Variants in ATG12 observed in about 807,000 individuals in gnomAD.
The protein encoded by ATG12 is ubiquitin-like protein ATG12.
In ATG12, 19 loss-of-function variants were observed where a neutral mutation model predicts 17.6. The observed-to-expected ratio is 1.08, with a 90% CI of 0.75 to 1.58. The LOEUF is 1.58. Ranked by LOEUF, ATG12 falls within the 40% of genes most tolerant of loss-of-function variation. The probability of loss-of-function intolerance (pLI) is 0.00; values close to 1 mark genes in which losing one functional copy is unlikely to be tolerated. For missense variants in ATG12, 214 were observed against 162.0 expected (o/e 1.32, Z -1.74); for synonymous variants, 75 against 62.4 (o/e 1.20, Z -0.95).
chr5:115,834,042 A>G (rs770632583), intron 2 of ATG12: 1 of 152,210 alleles, frequency 6.6e-6, no homozygotes, highest in Non-Finnish European at 1.5e-5. Flanking sequence ...CATCTAATGA[A>G]GTATGTAGCG....
chr5:115,836,020 T>A (rs753546293), intron 2 of ATG12, among the ~76,000 whole-genome samples: 56 of 152,298 alleles, frequency 3.7e-4, no homozygotes, highest in Non-Finnish European at 7.1e-4. Flanking sequence ...TTCCTAGCAT[T>A]ACTTTTTTTC....
rs767663040 is a variant in ATG12, at chr5:115,841,431, G to T, written c.122C>A (p.Ser41Tyr). 1 of 1,610,060 alleles carries T rather than the reference G, an allele frequency of 6.2e-7. No individual in the cohort carries two copies. The highest frequency in any genetic ancestry group is 8.5e-7 in the Non-Finnish European group (1 of 1,179,050). ...GCCAGCAGGTTCCTCTGTTCCCGGGGAAACTGCAGCGGAAGACGGGGGCTC... is the reference window on the plus strand; with the variant it reads ...GCCAGCAGGTTCCTCTGTTCCCGGGTAAACTGCAGCGGAAGACGGGGGCTC... ...TPEPPSSAAV[S>Y]PGTEEPAGDT... Residue 41 changes from serine (S) to tyrosine (Y), a missense_variant, in exon 1 of 4, where the codon TCC becomes TAC. Physicochemically the swap from Ser to Tyr is moderately radical, Grantham distance 144. Coordinates refer to ENST00000509910, the MANE Select transcript of ATG12 (RefSeq NM_004707.4).
chr5:115,839,838 C>G (rs1470516893), intron 1 of ATG12, among the ~76,000 whole-genome samples: 2 of 152,162 alleles, frequency 1.3e-5, no homozygotes, highest in Admixed American at 6.5e-5. Context: ...TAGTTAGAAA[C>G]TAAGTTTTAT....
At position 115,829,635 on chromosome 5, in the gene ATG12, T is replaced by C. The variant is rs971785692; in HGVS notation, c.*2169A>G. 9 of 152,174 alleles carry C rather than the reference T, an allele frequency of 5.9e-5. No individual in the cohort carries two copies. The highest frequency in any genetic ancestry group is 2.2e-4 in the African/African-American group (9 of 41,440). 9.4% of individuals were successfully genotyped at this position (152,174 alleles called of 1,614,324 possible). A position where few individuals can be genotyped will look rare whatever the true frequency, so the allele number is the denominator to read the frequency against. On this transcript the variant is annotated 3_prime_UTR_variant, in exon 4 of 4. Coordinates refer to ENST00000509910, the MANE Select transcript of ATG12 (RefSeq NM_004707.4). ...GAAAATTTAAAATATCACCTGAATGTTCAGTTTTTCCCCCAAGTTTAATCA... is the reference window on the plus strand; with the variant it reads ...GAAAATTTAAAATATCACCTGAATGCTCAGTTTTTCCCCCAAGTTTAATCA...
intron 3 of ATG12, 56 bp from the exon 4 acceptor site, chr5:115,831,919 A>G: frequency 6.7e-7 from 1 of 1,488,138 alleles, no homozygotes; most frequent in Admixed American, 1.8e-5. Flanking sequence ...CTTAGATGAA[A>G]CTAAGAAGAT....
intron 2 of ATG12, 72 bp downstream of exon 2, chr5:115,837,553 AAAC>A: frequency 1.3e-6 from 2 of 1,492,258 alleles, no homozygotes; most frequent in East Asian, 2.3e-5. Context: ...GCATTTCTAT[AAAC>A]AACAGTTAAT....
At position 115,829,737 on chromosome 5, in the gene ATG12, T is replaced by C. The variant is rs1201748923; in HGVS notation, c.*2067A>G. The C allele has an allele frequency of 6.6e-6, 1 of 152,202 alleles. No individual in the cohort carries two copies. Among genetic ancestry groups the C allele is most frequent in the East Asian group, 1.9e-4 (1 of 5,200 alleles). The allele number at this position is 152,202 out of a possible 1,614,324, so 9.4% of individuals were successfully genotyped here. On this transcript the variant is annotated 3_prime_UTR_variant, in exon 4 of 4. Transcript: ENST00000509910. ...AATAACTTATCGGATCCAGGCTTAA[T>C]TATTGTTTAATGTTGCAAATTTAGC...
In ATG12 at chr5:115,828,293, G is replaced by A. The variant is rs1447083616; in HGVS notation, c.*3511C>T. The A allele has an allele frequency of 6.6e-6, 1 of 152,052 alleles. No homozygotes were observed. The highest frequency in any genetic ancestry group is 2.4e-5 in the African/African-American group (1 of 41,416). The allele number at this position is 152,052 out of a possible 1,614,324, so 9.4% of individuals were successfully genotyped here. A position where few individuals can be genotyped will look rare whatever the true frequency, so the allele number is the denominator to read the frequency against. On this transcript the variant is annotated 3_prime_UTR_variant, in exon 4 of 4. Coordinates refer to ENST00000509910, the MANE Select transcript of ATG12 (RefSeq NM_004707.4). Reference sequence around the variant, plus strand: ...TGACAGGTTATACGAACAAACTGAAGTTTATACTTACGTTTCAAGGTTTTT... The same window carrying A: ...TGACAGGTTATACGAACAAACTGAAATTTATACTTACGTTTCAAGGTTTTT...
At position 115,831,482 on chromosome 5, in the gene ATG12, T is replaced by G. The variant is rs1760867325; in HGVS notation, c.*322A>C. On this transcript the variant is annotated 3_prime_UTR_variant, in exon 4 of 4. Transcript: ENST00000509910. ...ACCATGAAAACAATTTCAGTCATTT[T>G]GAGAACTGACAATGAAGATGTTTAT... The G allele has an allele frequency of 2.9e-6, 1 of 349,474 alleles. No homozygotes were observed. The highest frequency in any genetic ancestry group is 2.2e-5 in the African/African-American group (1 of 46,214). 21.6% of individuals were successfully genotyped at this position (349,474 alleles called of 1,614,324 possible). A position where few individuals can be genotyped will look rare whatever the true frequency, so the allele number is the denominator to read the frequency against.
At position 115,841,450 on chromosome 5, in the gene ATG12, G is replaced by A; in HGVS notation, c.103C>T (p.Pro35Ser). The change falls in exon 1 of 4, where the codon CCG becomes TCG. Residue 35 changes from proline to serine, a missense_variant. Transcript: ENST00000509910. ...VSPETTTPEP[P>S]SSAAVSPGTE... The stretch of plus-strand genomic sequence containing the variant: ...CCCGGGGAAACTGCAGCGGAAGACG[G>A]GGGCTCCGGGGTGGTTGTTTCTGGG... 1 of 1,609,904 alleles carries A rather than the reference G, an allele frequency of 6.2e-7. No homozygotes were observed. The highest frequency in any genetic ancestry group is 2.2e-5 in the East Asian group (1 of 44,844).
At position 115,841,560 on chromosome 5, in the gene ATG12, G is replaced by C. The variant is rs372880284; in HGVS notation, c.-8C>G. Reference sequence around the variant, plus strand: ...CTGCGGCTCCTCCGCCATCTTGCTTGGAGACACTCGAGAGCGGAAGTAGCG... The same window carrying C: ...CTGCGGCTCCTCCGCCATCTTGCTTCGAGACACTCGAGAGCGGAAGTAGCG... On this transcript the variant is annotated 5_prime_UTR_variant, in exon 1 of 4. Coordinates refer to ENST00000509910, the MANE Select transcript of ATG12 (RefSeq NM_004707.4). The C allele has an allele frequency of 1.2e-6, 2 of 1,614,090 alleles. No homozygotes were observed. The highest frequency in any genetic ancestry group is 1.7e-6 in the Non-Finnish European group (2 of 1,179,994).
Position 115,832,633 on chromosome 5 carries a change from G to A in ATG12, c.332C>T (p.Ser111Phe). The A allele has an allele frequency of 6.6e-7, 1 of 1,516,366 alleles. No homozygotes were observed. The highest frequency in any genetic ancestry group is 8.8e-7 in the Non-Finnish European group (1 of 1,141,928). The allele number at this position is 1,516,366 out of a possible 1,614,324, so 93.9% of individuals were successfully genotyped here. A position where few individuals can be genotyped will look rare whatever the true frequency, so the allele number is the denominator to read the frequency against. Residue 111 changes from serine to phenylalanine, a missense_variant, in exon 3 of 4, where the codon TCC (serine) becomes TTC (phenylalanine). Physicochemically the swap from Ser to Phe is radical, Grantham distance 155. Coordinates refer to ENST00000509910, the MANE Select transcript of ATG12 (RefSeq NM_004707.4). ...GAGAGTTCCAACTTCTTGGTCTGGG[G>A]AAGGAGCAAAGGACTGATTCACATA... ...FIYVNQSFAP[S>F]PDQEVGTLYE...
intron 2 of ATG12, chr5:115,833,966 C>T (rs1224156086): frequency 6.6e-6 from 1 of 152,068 alleles, no homozygotes; most frequent in Non-Finnish European, 1.5e-5. Context: ...GATCTCTTCC[C>T]TCAATGAGCT....
chr5:115,840,080 C>T (rs1182026645), intron 1 of ATG12, among the ~76,000 whole-genome samples: 2 of 152,198 alleles, frequency 1.3e-5, no homozygotes, highest in Non-Finnish European at 2.9e-5. Flanking sequence ...CGAACGTCCG[C>T]TCTTGCCTAT....
rs35310189 is a variant in ATG12 at position 115,832,571 on chromosome 5, CTTTTTTTTTTTTTT to C, written c.363+17_363+30del. ...AAGAAAAAAAAGCAGTAATTTCTTT[CTTTTTTTTTTTTTT>C]TTTTTTTTTTTTTTACCTCATAGAG... On this transcript the variant is annotated intron_variant, in intron 3 of 3. Transcript: ENST00000509910. 176 of 802,440 alleles carry C rather than the reference CTTTTTTTTTTTTTT, an allele frequency of 2.2e-4. No homozygotes were observed. In the East Asian group the frequency reaches 9.2e-3, roughly 42 times the overall value. 49.7% of individuals were successfully genotyped at this position (802,440 alleles called of 1,614,324 possible).
chr5:115,831,927 GATAA>G, intron 3 of ATG12, 64 bp from the exon 4 acceptor site: 1 of 1,422,886 alleles, frequency 7.0e-7, no homozygotes, highest in Middle Eastern at 2.1e-4. Context: ...AAACTAAGAA[GATAA>G]ATGCCACATG....
chr5:115,837,123 G>A (rs1346452489), intron 2 of ATG12, among the ~76,000 whole-genome samples: 1 of 152,150 alleles, frequency 6.6e-6, no homozygotes, highest in African/African-American at 2.4e-5. Flanking sequence ...GTGACTTTCT[G>A]AGGAAAACAA....
In ATG12 at chr5:115,831,756, T is replaced by TC; in HGVS notation, c.*47dup. 1.3e-6 allele frequency: 2 copies of TC among 1,579,256 alleles called. No homozygotes were observed. The highest frequency in any genetic ancestry group is 2.3e-5 in the South Asian group (2 of 88,750). The stretch of plus-strand genomic sequence containing the variant: ...ATCAAAACTTTTCAGAGCTGTCTCT[T>TC]CCGTGAAAATCCATTTCATGTAGTA... On this transcript the variant is annotated 3_prime_UTR_variant, in exon 4 of 4. Transcript: ENST00000509910.
chr5:115,829,086 T>G lies in ATG12; in HGVS notation c.*2718A>C, dbSNP rs1430129395. The G allele has an allele frequency of 6.6e-6, 1 of 152,212 alleles. No individual in the cohort carries two copies. Among genetic ancestry groups the G allele is most frequent in the African/African-American group, 2.4e-5 (1 of 41,452 alleles). 9.4% of individuals were successfully genotyped at this position (152,212 alleles called of 1,614,324 possible). On this transcript the variant is annotated 3_prime_UTR_variant, in exon 4 of 4. Transcript: ENST00000509910. Reference sequence around the variant, plus strand: ...GGTTAAATAATGTAGGCAGAGTATTTATATAAATACGATTTGAACTGTATT... The same window carrying G: ...GGTTAAATAATGTAGGCAGAGTATTGATATAAATACGATTTGAACTGTATT...
Sources: allele counts gnomAD v4.1 joint callset (sites outside exome capture counted in the v4.1 genomes callset), GRCh38; gene constraint gnomAD v4.1.1; transcripts MANE v1.5; gene names NCBI Gene and HGNC (gene_info 2026-07-23, HGNC 2026-07-21).